Variants in ABCB11 observed in about 807,000 individuals in gnomAD.
ABCB11 encodes the protein ATP binding cassette subfamily B member 11.
In ABCB11, 95 loss-of-function variants were observed where a neutral mutation model predicts 148.0. The observed-to-expected ratio is 0.64, with a 90% confidence interval of 0.54 to 0.76. The LOEUF (loss-of-function observed/expected upper bound fraction) is 0.76, where lower values mean the gene tolerates loss of function less well. Among genes scored for constraint, ABCB11 ranks in the 30% least tolerant of loss-of-function variants. The pLI, the probability that ABCB11 is intolerant of heterozygous loss-of-function variation, is 0.00. For missense variants in ABCB11, 1,523 were observed against 1,617.8 expected (o/e 0.94, Z 1.01); for synonymous variants, 591 against 555.4 (o/e 1.06, Z -0.90).
chr2:169,020,922 AAGAC>A (rs1167305918), intron 1 of ABCB11, among the ~76,000 whole-genome samples: 3 of 152,164 alleles, frequency 2.0e-5, no homozygotes, highest in Non-Finnish European at 2.9e-5. Flanking sequence ...TTTTTAAAAA[AAGAC>A]AGGTCAGTTT....
rs572692475 is a variant in ABCB11, at chr2:168,969,680, C to T, written c.1810-129G>A. On this transcript the variant is annotated intron_variant, in intron 15 of 27. Transcript: ENST00000650372. Reference sequence around the variant, plus strand: ...TGGGAATATTCTTAAATAGGCTGTGCAGACATTAGAAAAGGCCAGCACATT... The same window carrying T: ...TGGGAATATTCTTAAATAGGCTGTGTAGACATTAGAAAAGGCCAGCACATT... 10 of 851,878 alleles carry T rather than the reference C, an allele frequency of 1.2e-5. No homozygotes were observed. In the South Asian group the frequency reaches 1.5e-4, roughly 13 times the overall value. 52.8% of individuals were successfully genotyped at this position (851,878 alleles called of 1,614,324 possible). A position where few individuals can be genotyped will look rare whatever the true frequency, so the allele number is the denominator to read the frequency against.
chr2:168,957,038 T>C (rs1440103789), intron 19 of ABCB11, among the ~76,000 whole-genome samples: 1 of 151,664 alleles, frequency 6.6e-6, no homozygotes, highest in Non-Finnish European at 1.5e-5. Flanking sequence ...CCAGATAATC[T>C]GTTCCAAATG....
rs372784355 is a variant in ABCB11 at position 168,979,903 on chromosome 2, C to T, written c.1160G>A (p.Arg387His). The T allele has an allele frequency of 1.2e-5, 20 of 1,608,222 alleles. No homozygotes were observed. Among genetic ancestry groups the T allele is most frequent in the African/African-American group, 4.0e-5 (3 of 74,666 alleles). ...SPCLEAFATG[R>H]AAATSIFETI... The stretch of plus-strand genomic sequence containing the variant: ...CTCAAAAATGCTGGTGGCTGCTGCA[C>T]GTCCAGTTGCAAAGGCTTCCAAACA... Residue 387 changes from arginine to histidine, a missense_variant, in exon 11 of 28, where the codon CGT (arginine) becomes CAT (histidine). By Grantham distance (29) the Arg-to-His change is conservative. Coordinates refer to ENST00000650372, the MANE Select transcript of ABCB11 (RefSeq NM_003742.4).
chr2:169,012,719 A>C (rs1021072105), intron 5 of ABCB11, among the ~76,000 whole-genome samples: 6 of 151,382 alleles, frequency 4.0e-5, no homozygotes, highest in Non-Finnish European at 7.4e-5. Flanking sequence ...CAGCCTGGGC[A>C]AAAAAGGAGA....
At position 168,930,925 on chromosome 2, in the gene ABCB11, C is replaced by T. The variant is rs538547285; in HGVS notation, c.3214-63G>A. 5,462 of 1,417,646 alleles carry T rather than the reference C, an allele frequency of 3.9e-3. 19 individuals carry two copies. The highest frequency in any genetic ancestry group is 4.9e-3 in the Non-Finnish European group (5,145 of 1,044,636). The allele number at this position is 1,417,646 out of a possible 1,614,324, so 87.8% of individuals were successfully genotyped here. On this transcript the variant is annotated intron_variant, in intron 24 of 27. Transcript: ENST00000650372. Reference sequence around the variant, plus strand: ...TGAAGCCTAGAATATTGAAAACACACCTAAATCTTGAGTTTAAAATCCCTG... The same window carrying T: ...TGAAGCCTAGAATATTGAAAACACATCTAAATCTTGAGTTTAAAATCCCTG...
Position 168,921,902 on chromosome 2 carries a change from G to A in ABCB11, c.*1720C>T, listed in dbSNP as rs1691088285. Among the ~76,000 whole-genome samples the A allele has an allele frequency of 1.4e-5, 2 of 147,174 alleles. No homozygotes were observed. The highest frequency in any genetic ancestry group is 1.4e-4 in the Admixed American group (2 of 14,710). ...TTCGCTCTGTCGCCCAGGCTGGAGT[G>A]CAGTGGCGCGATCTCGGCTCACTGC... On this transcript the variant is annotated 3_prime_UTR_variant, in exon 28 of 28. Transcript: ENST00000650372.
intron 17 of ABCB11, among the ~76,000 whole-genome samples, chr2:168,965,258 A>G (rs1005596070): frequency 1.7e-4 from 26 of 151,814 alleles, no homozygotes; most frequent in African/African-American, 6.3e-4. Flanking sequence ...TACTGAGTAC[A>G]TGACAAGCAT....
intron 5 of ABCB11, among the ~76,000 whole-genome samples, chr2:168,997,303 T>C (rs1304440267): frequency 6.6e-6 from 1 of 152,074 alleles, no homozygotes; most frequent in African/African-American, 2.4e-5. Flanking sequence ...GAGAAAAGCA[T>C]TTTATTAGCC....
chr2:168,959,780 T>A (rs369559186), intron 18 of ABCB11, among the ~76,000 whole-genome samples: 4 of 151,568 alleles, frequency 2.6e-5, no homozygotes. Context: ...TTTGTTGGTA[T>A]CATCTGGCCC....
At chr2:168,925,320 T>A (rs895086516) in intron 26 of ABCB11, among the ~76,000 whole-genome samples, 10 of 152,236 alleles carry the variant, frequency 6.6e-5, no homozygotes, top group African/African-American at 2.4e-4. Flanking sequence ...TTTTTTGAGC[T>A]GGCTAGGCAT....
chr2:168,973,639 C>A, intron 13 of ABCB11, 76 bp downstream of exon 13: 1 of 1,545,210 alleles, frequency 6.5e-7, no homozygotes, highest in Non-Finnish European at 8.8e-7. Flanking sequence ...TATGCTACAC[C>A]TTTCTGTTTG....
intron 4 of ABCB11, 79 bp downstream of exon 4, chr2:169,014,224 A>C: frequency 7.1e-7 from 1 of 1,398,634 alleles, no homozygotes; most frequent in Non-Finnish European, 1.0e-6. Flanking sequence ...CAATATGACT[A>C]AAGATTTAAC....
intron 12 of ABCB11, 102 bp downstream of exon 12, chr2:168,976,475 G>A: frequency 1.5e-6 from 1 of 651,918 alleles, no homozygotes; most frequent in Non-Finnish European, 2.5e-6. Context: ...CCCTATTACT[G>A]GAAACAGAGT....
At chr2:168,946,560 G>A (rs867160802) in intron 19 of ABCB11, among the ~76,000 whole-genome samples, 25 of 151,684 alleles carry the variant, frequency 1.6e-4, no homozygotes, top group Admixed American at 3.3e-4. Context: ...TAAGTTTACA[G>A]AGTCTAAAAA....
Position 168,990,838 on chromosome 2 carries a change from C to T in ABCB11, c.871G>A (p.Val291Met), listed in dbSNP as rs1310194729. The change falls in exon 9 of 28, where the codon GTG becomes ATG. Residue 291 changes from valine to methionine, a missense_variant. Coordinates refer to ENST00000650372, the MANE Select transcript of ABCB11 (RefSeq NM_003742.4). ...ADEVISSMRT[V>M]AAFGGEKREV... ...CTTTTCTCACCACCAAAAGCAGCCA[C>T]TGTTCTCATTGATGAAATGACTTCA... is the stretch of plus-strand genomic sequence containing the variant. 1 of 1,613,222 alleles carries T rather than the reference C, an allele frequency of 6.2e-7. No homozygotes were observed. Among genetic ancestry groups the T allele is most frequent in the East Asian group, 2.2e-5 (1 of 44,864 alleles).
At chr2:168,962,112 G>C (rs186444635) in intron 18 of ABCB11, among the ~76,000 whole-genome samples, 80 of 151,552 alleles carry the variant, frequency 5.3e-4, no homozygotes, top group African/African-American at 1.9e-3. Flanking sequence ...TAAACCTAAA[G>C]GACTAACAAA....
At chr2:168,997,997 A>G (rs1694765623) in intron 5 of ABCB11, among the ~76,000 whole-genome samples, 1 of 152,008 alleles carries the variant, frequency 6.6e-6, no homozygotes. Flanking sequence ...AAAACCAGCT[A>G]AGGTCTCTTG....
chr2:169,021,315 G>A (rs796783583), intron 1 of ABCB11, among the ~76,000 whole-genome samples: 12 of 152,054 alleles, frequency 7.9e-5, no homozygotes, highest in African/African-American at 2.9e-4. Context: ...TCATAAAAAT[G>A]GTCCAAAATT....
chr2:168,978,780 G>A (rs955449390), intron 11 of ABCB11, among the ~76,000 whole-genome samples: 11 of 152,026 alleles, frequency 7.2e-5, no homozygotes, highest in Non-Finnish European at 1.3e-4. Context: ...GAGCAGTGGC[G>A]CAATCATGGC....
Sources: allele counts gnomAD v4.1 joint callset (sites outside exome capture counted in the v4.1 genomes callset), GRCh38; gene constraint gnomAD v4.1.1; transcripts MANE v1.5; gene names NCBI Gene and HGNC (gene_info 2026-07-23, HGNC 2026-07-21).